Variants in HS3ST4 observed in about 807,000 individuals in gnomAD.
The protein encoded by HS3ST4 is heparan sulfate-glucosamine 3-sulfotransferase 4, also known as heparan sulfate glucosamine 3-O-sulfotransferase 4.
In HS3ST4, 17 loss-of-function variants were observed where a neutral mutation model predicts 29.2. The ratio of observed to expected loss-of-function variants is 0.58; its 90% CI spans 0.40 to 0.87. The LOEUF (loss-of-function observed/expected upper bound fraction) is 0.87. HS3ST4 is among the 40% of genes least tolerant of loss of function. The probability of loss-of-function intolerance (pLI) is 0.00; values close to 1 mark genes in which losing one functional copy is unlikely to be tolerated. For synonymous variants in HS3ST4, 314 were observed against 285.7 expected (o/e 1.10, Z -1.00); for missense variants, 627 against 634.5 (o/e 0.99, Z 0.13).
At chr16:26,129,417 C>T (rs572374511) in intron 1 of HS3ST4, among the ~76,000 whole-genome samples, 53 of 152,312 alleles carry the variant, frequency 3.5e-4, no homozygotes, top group Non-Finnish European at 5.6e-4. Flanking sequence ...GATTGAATTC[C>T]GACTCCACCT....
intron 1 of HS3ST4, among the ~76,000 whole-genome samples, chr16:25,936,847 C>G (rs911768403): frequency 1.3e-5 from 2 of 152,166 alleles, no homozygotes; most frequent in African/African-American, 2.4e-5. Flanking sequence ...GCTTTTGTAG[C>G]ATAATATAAT....
chr16:25,783,038 C>T (rs943423490), intron 1 of HS3ST4, among the ~76,000 whole-genome samples: 4 of 151,926 alleles, frequency 2.6e-5, no homozygotes, highest in Non-Finnish European at 5.9e-5. Flanking sequence ...CATTTTGTTG[C>T]TTTCTTTGAA....
intron 1 of HS3ST4, among the ~76,000 whole-genome samples, chr16:25,801,833 CT>C (rs1195138381): frequency 2.0e-5 from 3 of 151,614 alleles, no homozygotes; most frequent in Admixed American, 6.6e-5. Context: ...AATTTTGTTG[CT>C]TTTTTTGATG....
At chr16:25,898,934 T>C (rs1317666913) in intron 1 of HS3ST4, among the ~76,000 whole-genome samples, 5 of 152,200 alleles carry the variant, frequency 3.3e-5, no homozygotes, top group African/African-American at 1.2e-4. Context: ...CCTAAAATGC[T>C]CTCCTATTCG....
chr16:25,866,966 G>A (rs1056592851), intron 1 of HS3ST4, among the ~76,000 whole-genome samples: 5 of 152,146 alleles, frequency 3.3e-5, no homozygotes, highest in African/African-American at 9.7e-5. Context: ...GCCTCTCCAA[G>A]TCTTATATTC....
intron 1 of HS3ST4, among the ~76,000 whole-genome samples, chr16:25,800,492 C>A (rs1341004987): frequency 6.6e-6 from 1 of 150,868 alleles, no homozygotes; most frequent in East Asian, 2.0e-4. Flanking sequence ...TTGTTATTAA[C>A]TTCAAATACA....
intron 1 of HS3ST4, among the ~76,000 whole-genome samples, chr16:25,863,974 C>T (rs911030208): frequency 6.6e-6 from 1 of 152,208 alleles, no homozygotes; most frequent in Non-Finnish European, 1.5e-5. Flanking sequence ...TGTGTGGCCT[C>T]TCTCCTTAAG....
intron 1 of HS3ST4, among the ~76,000 whole-genome samples, chr16:25,786,574 T>C (rs1966857984): frequency 6.6e-6 from 1 of 152,198 alleles, no homozygotes; most frequent in African/African-American, 2.4e-5. Flanking sequence ...ACCCTTTCAC[T>C]ATATCCCAAT....
intron 1 of HS3ST4, among the ~76,000 whole-genome samples, chr16:25,754,398 A>T (rs1966742306): frequency 6.7e-6 from 1 of 149,120 alleles, no homozygotes; most frequent in Non-Finnish European, 1.5e-5. Context: ...TCATCCACCC[A>T]CCCACGTGTC....
At chr16:26,042,629 A>G (rs1969645577) in intron 1 of HS3ST4, among the ~76,000 whole-genome samples, 1 of 152,248 alleles carries the variant, frequency 6.6e-6, no homozygotes, top group Non-Finnish European at 1.5e-5. Context: ...AAGCTTTTTA[A>G]CATGATCCAA....
chr16:25,965,282 A>AG lies in HS3ST4; in HGVS notation c.735-170325dup, dbSNP rs773126438. Among the ~76,000 whole-genome samples, 9 of 151,576 alleles carry AG rather than the reference A, an allele frequency of 5.9e-5. 1 individual carries two copies. Among genetic ancestry groups the AG allele is most frequent in the Admixed American group, 2.0e-4 (3 of 15,164 alleles). On this transcript the variant is annotated intron_variant, in intron 1 of 1. Coordinates refer to ENST00000331351, the MANE Select transcript of HS3ST4 (RefSeq NM_006040.3). Reference sequence around the variant, plus strand: ...AGTCCACTCATGAAGCCATGAGCAGAGGGGGCTCTGCTGTTCCTAGGGCCA... The same window carrying AG: ...AGTCCACTCATGAAGCCATGAGCAGAGGGGGGCTCTGCTGTTCCTAGGGCCA...
chr16:25,693,244 C>A, intron 1 of HS3ST4, 93 bp downstream of exon 1: 3 of 1,360,032 alleles, frequency 2.2e-6, no homozygotes, highest in Non-Finnish European at 1.9e-6. Flanking sequence ...CATCCAGGCA[C>A]CGTCCCGAGA....
chr16:25,715,452 A>G (rs1487344152), intron 1 of HS3ST4, among the ~76,000 whole-genome samples: 1 of 151,884 alleles, frequency 6.6e-6, no homozygotes, highest in Non-Finnish European at 1.5e-5. Context: ...TTACCATGAG[A>G]TGAAAGAAAA....
At chr16:25,789,298 T>C (rs1177558878) in intron 1 of HS3ST4, among the ~76,000 whole-genome samples, 1 of 151,062 alleles carries the variant, frequency 6.6e-6, no homozygotes, top group Non-Finnish European at 1.5e-5. Context: ...CATCTCCTCT[T>C]CTTTCTTTCT....
At chr16:26,101,665 G>C (rs1003022647) in intron 1 of HS3ST4, among the ~76,000 whole-genome samples, 1 of 152,090 alleles carries the variant, frequency 6.6e-6, no homozygotes, top group East Asian at 1.9e-4. Context: ...GGGTATAAAA[G>C]TTCCTTAATC....
intron 1 of HS3ST4, among the ~76,000 whole-genome samples, chr16:25,775,535 ACAT>A (rs1966846822): frequency 6.6e-6 from 1 of 152,160 alleles, no homozygotes; most frequent in Non-Finnish European, 1.5e-5. Flanking sequence ...CAGGTGCCCC[ACAT>A]CTTGCTGTGT....
At chr16:25,900,366 C>T (rs1968109929) in intron 1 of HS3ST4, among the ~76,000 whole-genome samples, 1 of 144,516 alleles carries the variant, frequency 6.9e-6, no homozygotes, top group African/African-American at 2.6e-5. Context: ...GCTTTTTATG[C>T]CACCTTTAAC....
chr16:25,766,362 C>T (rs1276737089), intron 1 of HS3ST4, among the ~76,000 whole-genome samples: 2 of 152,068 alleles, frequency 1.3e-5, no homozygotes, highest in African/African-American at 4.8e-5. Context: ...AGTATTTCTA[C>T]CCAGGGACAA....
rs1036332488 is a variant in HS3ST4, at chr16:25,692,708, G to A, written c.291G>A (p.Pro97=). The A allele has an allele frequency of 1.6e-6, 2 of 1,229,898 alleles. No individual in the cohort carries two copies. The highest frequency in any genetic ancestry group is 2.0e-6 in the Non-Finnish European group (2 of 988,490). 76.2% of individuals were successfully genotyped at this position (1,229,898 alleles called of 1,614,324 possible). A position where few individuals can be genotyped will look rare whatever the true frequency, so the allele number is the denominator to read the frequency against. The part of the protein sequence containing the change: ...TPVRLGAPSQ[P]PAPPPLDNAS... ...TGCGCCTCGGCGCCCCCTCGCAGCC[G>A]CCCGCGCCGCCGCCGCTGGACAACG... The change falls in exon 1 of 2, where the codon CCG becomes CCA. Residue 97 remains proline (P), a synonymous_variant. Coordinates refer to ENST00000331351, the MANE Select transcript of HS3ST4 (RefSeq NM_006040.3).
Sources: allele counts gnomAD v4.1 joint callset (sites outside exome capture counted in the v4.1 genomes callset), GRCh38; gene constraint gnomAD v4.1.1; transcripts MANE v1.5; gene names NCBI Gene and HGNC (gene_info 2026-07-23, HGNC 2026-07-21).